CACNA1D: variants seen among roughly 807,000 people sequenced by gnomAD.
CACNA1D encodes the protein voltage-dependent L-type calcium channel subunit alpha-1D.
Under a neutral mutation model 257.1 loss-of-function variants are expected in CACNA1D, and 55 were observed. The observed-to-expected ratio is 0.21, with a 90% CI of 0.17 to 0.27. CACNA1D has a LOEUF of 0.27. Among genes scored for constraint, CACNA1D ranks in the 10% least tolerant of loss-of-function variants. The probability of loss-of-function intolerance (pLI) is 1.00; values close to 1 mark genes in which losing one functional copy is unlikely to be tolerated. For missense variants in CACNA1D, 1,876 were observed against 2,784.0 expected (o/e 0.67, Z 7.34); for synonymous variants, 980 against 1,014.9 (o/e 0.97, Z 0.65).
chr3:53,609,639 A>G (rs1576075287), intron 3 of CACNA1D, among the ~76,000 whole-genome samples: 1 of 152,180 alleles, frequency 6.6e-6, no homozygotes, highest in Non-Finnish European at 1.5e-5. Flanking sequence ...TTCTGATACC[A>G]GTAATTCATT....
At chr3:53,696,542 C>T (rs1255498038) in intron 8 of CACNA1D, among the ~76,000 whole-genome samples, 2 of 152,196 alleles carry the variant, frequency 1.3e-5, no homozygotes, top group African/African-American at 4.8e-5. Flanking sequence ...GTAGGGGACA[C>T]ATGTATTCAT....
At chr3:53,679,269 TCAAAAAAAAAAAAAAAAAAAAA>T (rs2094405687) in intron 8 of CACNA1D, 1 of 6,372 alleles carries the variant, frequency 1.6e-4, no homozygotes. Context: ...AAACTCCATC[TCAAAAAAAAAAAAAAAAAAAAA>T]AAAAAAAAAA....
chr3:53,686,800 A>G (rs1452142114), intron 8 of CACNA1D, among the ~76,000 whole-genome samples: 1 of 152,052 alleles, frequency 6.6e-6, no homozygotes, highest in Non-Finnish European at 1.5e-5. Flanking sequence ...TGAAAGTCTG[A>G]AGGTAAGACA....
At chr3:53,621,738 G>T (rs989674622) in intron 3 of CACNA1D, among the ~76,000 whole-genome samples, 2 of 152,138 alleles carry the variant, frequency 1.3e-5, no homozygotes, top group African/African-American at 2.4e-5. Context: ...ACATTTGTAC[G>T]CAGGACAAAT....
chr3:53,757,598 A>G (rs544832880), intron 29 of CACNA1D, among the ~76,000 whole-genome samples: 7 of 152,298 alleles, frequency 4.6e-5, no homozygotes, highest in Admixed American at 3.3e-4. Flanking sequence ...CTGGCCACCT[A>G]TTGCTTGAGA....
chr3:53,589,294 G>T (rs1485928751), intron 3 of CACNA1D, among the ~76,000 whole-genome samples: 1 of 152,202 alleles, frequency 6.6e-6, no homozygotes, highest in Non-Finnish European at 1.5e-5. Flanking sequence ...CCTTTAGCGA[G>T]CCTGCAGGAA....
At chr3:53,531,465 T>C (rs190059775) in intron 3 of CACNA1D, among the ~76,000 whole-genome samples, 560 of 152,336 alleles carry the variant, frequency 3.7e-3, no homozygotes, top group Middle Eastern at 0.01. Context: ...CAATGGGAAG[T>C]GAAGTGTTTG....
chr3:53,749,196 T>G, intron 26 of CACNA1D, 72 bp from the exon 27 acceptor site: 1 of 1,083,944 alleles, frequency 9.2e-7, no homozygotes, highest in South Asian at 1.3e-5. Flanking sequence ...AGGGAGGACC[T>G]GGGAAGGCAG....
intron 40 of CACNA1D, chr3:53,791,274 A>G (rs1344999574): frequency 2.1e-6 from 1 of 487,286 alleles, no homozygotes; most frequent in Admixed American, 3.5e-5. Flanking sequence ...AAGGGAACGT[A>G]CAAAGCTTAA....
intron 3 of CACNA1D, among the ~76,000 whole-genome samples, chr3:53,503,404 C>G (rs1559758931): frequency 6.6e-6 from 1 of 152,208 alleles, no homozygotes; most frequent in Non-Finnish European, 1.5e-5. Context: ...GATAGATCAT[C>G]GTAGTCTAGG....
At chr3:53,731,545 G>A (rs1352242752) in intron 17 of CACNA1D, among the ~76,000 whole-genome samples, 1 of 152,160 alleles carries the variant, frequency 6.6e-6, no homozygotes, top group Non-Finnish European at 1.5e-5. Context: ...GGGCTATACT[G>A]TAAAACTGAA....
At chr3:53,665,924 T>C (rs2094257281) in intron 6 of CACNA1D, 112 bp downstream of exon 6, 1 of 803,104 alleles carries the variant, frequency 1.2e-6, no homozygotes, top group South Asian at 1.5e-5. Context: ...AAATGCCCAA[T>C]ATACCAGCAC....
In CACNA1D at chr3:53,673,565, A is replaced by G; in HGVS notation, c.1220+439A>G. 1 of 565,890 alleles carries G rather than the reference A, an allele frequency of 1.8e-6. No homozygotes were observed. The highest frequency in any genetic ancestry group is 3.2e-5 in the East Asian group (1 of 31,088). 35.1% of individuals were successfully genotyped at this position (565,890 alleles called of 1,614,324 possible). A position where few individuals can be genotyped will look rare whatever the true frequency, so the allele number is the denominator to read the frequency against. ...GCTGAGCTTGTCCTTATTTGCAGAAAAAAAAAAAAAAAGGGAAGGACCTAG... is the reference window on the plus strand; with the variant it reads ...GCTGAGCTTGTCCTTATTTGCAGAAGAAAAAAAAAAAAGGGAAGGACCTAG... On this transcript the variant is annotated intron_variant, in intron 8 of 47. Transcript: ENST00000350061. The surrounding 1 kb of genome is among the most constrained non-coding windows in gnomAD (Gnocchi z 4.1).
At position 53,812,317 on chromosome 3, in the gene CACNA1D, A is replaced by T. The variant is rs2095603963; in HGVS notation, c.*911A>T. 1 of 152,214 alleles carries T rather than the reference A, an allele frequency of 6.6e-6. No homozygotes were observed. Among genetic ancestry groups the T allele is most frequent in the African/African-American group, 2.4e-5 (1 of 41,446 alleles). The allele number at this position is 152,214 out of a possible 1,614,324, so 9.4% of individuals were successfully genotyped here. A position where few individuals can be genotyped will look rare whatever the true frequency, so the allele number is the denominator to read the frequency against. On this transcript the variant is annotated 3_prime_UTR_variant, in exon 48 of 48. Coordinates refer to ENST00000350061, the MANE Select transcript of CACNA1D (RefSeq NM_001128840.3). ...AATTATTAGTATTTTTACTCGGGCT[A>T]TCCAGAAGTAGAAGAAATAGAGCCA...
intron 29 of CACNA1D, 58 bp downstream of exon 29, chr3:53,753,740 C>A: frequency 1.0e-6 from 1 of 985,862 alleles, no homozygotes; most frequent in East Asian, 2.4e-5. Context: ...GAGAAGTACC[C>A]GCTTCCTGTT....
intron 3 of CACNA1D, among the ~76,000 whole-genome samples, chr3:53,620,112 C>T (rs1186501199): frequency 1.3e-5 from 2 of 152,162 alleles, no homozygotes; most frequent in Non-Finnish European, 2.9e-5. Context: ...GGCTGCCTCC[C>T]TCTCTTTAAA....
chr3:53,648,728 G>A (rs2094050491), intron 3 of CACNA1D, among the ~76,000 whole-genome samples: 1 of 151,976 alleles, frequency 6.6e-6, no homozygotes, highest in African/African-American at 2.4e-5. Flanking sequence ...GCTAAGAACA[G>A]GACTGGTCTG....
intron 8 of CACNA1D, among the ~76,000 whole-genome samples, chr3:53,689,628 G>T (rs893221845): frequency 6.6e-6 from 1 of 152,048 alleles, no homozygotes; most frequent in African/African-American, 2.4e-5. Flanking sequence ...GATGTGGATT[G>T]TATGAGAGAA....
At chr3:53,506,002 G>T (rs1405597406) in intron 3 of CACNA1D, among the ~76,000 whole-genome samples, 1 of 152,200 alleles carries the variant, frequency 6.6e-6, no homozygotes, top group Non-Finnish European at 1.5e-5. Context: ...TGGTCACGTA[G>T]TTCGGCATCT....
Sources: allele counts gnomAD v4.1 joint callset (sites outside exome capture counted in the v4.1 genomes callset), GRCh38; gene constraint gnomAD v4.1.1; non-coding constraint Gnocchi (gnomAD v3.1); transcripts MANE v1.5; gene names NCBI Gene and HGNC (gene_info 2026-07-23, HGNC 2026-07-21).